Variants in RAPGEF6 observed in about 807,000 individuals in gnomAD.
The protein encoded by RAPGEF6 is Rap guanine nucleotide exchange factor 6.
RAPGEF6 carries 56 observed loss-of-function variants against 171.4 expected under a neutral mutation model. The observed-to-expected ratio is 0.33, with a 90% CI of 0.26 to 0.41. The LOEUF is 0.41. Among genes scored for constraint, RAPGEF6 ranks in the 10% least tolerant of loss-of-function variants. The pLI, the probability that RAPGEF6 is intolerant of heterozygous loss-of-function variation, is 1.00. For synonymous variants in RAPGEF6, 692 were observed against 650.1 expected (o/e 1.06, Z -0.98); for missense variants, 1,674 against 1,921.4 (o/e 0.87, Z 2.41).
chr5:131,570,328 T>C (rs1467693794), intron 4 of RAPGEF6, among the ~76,000 whole-genome samples: 1 of 152,116 alleles, frequency 6.6e-6, no homozygotes, highest in African/African-American at 2.4e-5. Context: ...GCAAATAATA[T>C]AAAAGACTGT....
chr5:131,529,483 AAAT>A (rs1759218104), intron 6 of RAPGEF6, among the ~76,000 whole-genome samples: 1 of 150,348 alleles, frequency 6.7e-6, no homozygotes. Context: ...CAAAAAAAAA[AAAT>A]AATAATCTCA....
At chr5:131,474,337 G>A (rs1432915700) in intron 16 of RAPGEF6, among the ~76,000 whole-genome samples, 4 of 152,038 alleles carry the variant, frequency 2.6e-5, no homozygotes, top group African/African-American at 4.8e-5. Flanking sequence ...CGGGTGGCTC[G>A]TGCCTGTAAT....
At chr5:131,475,366 A>G (rs1263789804) in intron 16 of RAPGEF6, among the ~76,000 whole-genome samples, 5 of 152,174 alleles carry the variant, frequency 3.3e-5, no homozygotes, top group African/African-American at 9.7e-5. Flanking sequence ...TACTTCCCCA[A>G]CACTAAATTT....
chr5:131,528,313 T>TATTA (rs1251388931), intron 6 of RAPGEF6, among the ~76,000 whole-genome samples: 1,306 of 48,790 alleles, frequency 0.027, 123 homozygotes, highest in African/African-American at 0.09. Flanking sequence ...TATATTTATA[T>TATTA]TATATATATA....
At chr5:131,500,430 C>T (rs1756947019) in intron 11 of RAPGEF6, among the ~76,000 whole-genome samples, 1 of 152,012 alleles carries the variant, frequency 6.6e-6, no homozygotes, top group South Asian at 2.1e-4. Flanking sequence ...GGGAACTGTT[C>T]AACATGTTAG....
chr5:131,523,547 A>G (rs919068532), intron 6 of RAPGEF6, among the ~76,000 whole-genome samples: 8 of 152,082 alleles, frequency 5.3e-5, no homozygotes, highest in African/African-American at 1.7e-4. Context: ...AGCTAAGAAG[A>G]GAATTTGAAA....
intron 22 of RAPGEF6, among the ~76,000 whole-genome samples, chr5:131,444,951 T>TAAC (rs2149815586): frequency 6.6e-6 from 1 of 152,368 alleles, no homozygotes; most frequent in African/African-American, 2.4e-5. Flanking sequence ...ATGTACCATT[T>TAAC]AACATGTGGC....
At chr5:131,477,607 C>A (rs1461073274) in intron 16 of RAPGEF6, among the ~76,000 whole-genome samples, 1 of 152,152 alleles carries the variant, frequency 6.6e-6, no homozygotes, top group African/African-American at 2.4e-5. Flanking sequence ...AATTCCCACA[C>A]CCTCACCAAA....
At chr5:131,500,616 C>T (rs1180617801) in intron 11 of RAPGEF6, among the ~76,000 whole-genome samples, 1 of 152,174 alleles carries the variant, frequency 6.6e-6, no homozygotes. Context: ...ATATATTATG[C>T]AATTTTATAT....
intron 4 of RAPGEF6, among the ~76,000 whole-genome samples, chr5:131,581,185 A>G (rs565384243): frequency 2.0e-5 from 3 of 152,282 alleles, no homozygotes; most frequent in Admixed American, 2.0e-4. Context: ...TGATTTACTC[A>G]CTGCTGAAAA....
intron 6 of RAPGEF6, among the ~76,000 whole-genome samples, chr5:131,530,438 T>A (rs10478985): frequency 0.017 from 2,575 of 152,112 alleles, 54 homozygotes; most frequent in African/African-American, 0.047. Context: ...ATTAATGAAT[T>A]CAGAAGTAGT....
intron 4 of RAPGEF6, among the ~76,000 whole-genome samples, chr5:131,582,832 C>T (rs953129084): frequency 1.3e-5 from 2 of 152,132 alleles, no homozygotes; most frequent in Non-Finnish European, 2.9e-5. Context: ...TTCTCATAGA[C>T]TGCCGGTGAG....
At chr5:131,544,217 G>A (rs1760352169) in intron 6 of RAPGEF6, among the ~76,000 whole-genome samples, 1 of 152,088 alleles carries the variant, frequency 6.6e-6, no homozygotes, top group Admixed American at 6.6e-5. Flanking sequence ...TAAGAGAAAT[G>A]GAAGTATAAG....
At chr5:131,604,738 G>A (rs768537417) in intron 1 of RAPGEF6, 45 bp from the exon 2 acceptor site, 35 of 1,554,346 alleles carry the variant, frequency 2.3e-5, no homozygotes, top group Non-Finnish European at 2.8e-5. Context: ...CAAATATGCT[G>A]TTTAAAATAT....
intron 6 of RAPGEF6, 78 bp downstream of exon 6, chr5:131,547,969 A>G: frequency 6.7e-7 from 1 of 1,486,832 alleles, no homozygotes; most frequent in Non-Finnish European, 9.2e-7. Context: ...TGTTGATATT[A>G]CCAAAGATAC....
At chr5:131,633,468 A>G (rs1183050061) in intron 1 of RAPGEF6, among the ~76,000 whole-genome samples, 1 of 152,194 alleles carries the variant, frequency 6.6e-6, no homozygotes, top group Non-Finnish European at 1.5e-5. Context: ...CTTGGCTCAC[A>G]CCTGTAATTC....
At chr5:131,570,311 C>G (rs1580594099) in intron 4 of RAPGEF6, among the ~76,000 whole-genome samples, 1 of 151,986 alleles carries the variant, frequency 6.6e-6, no homozygotes, top group East Asian at 1.9e-4. Context: ...AAATATACAC[C>G]AGAATGGCAA....
chr5:131,451,415 C>A (rs1166066922), intron 21 of RAPGEF6, among the ~76,000 whole-genome samples: 1 of 150,328 alleles, frequency 6.7e-6, no homozygotes, highest in African/African-American at 2.5e-5. Context: ...GAAACCCTAT[C>A]TCTACTGGAA....
At chr5:131,596,330 T>TTATAATATATATTATATAATCATTA in intron 3 of RAPGEF6, among the ~76,000 whole-genome samples, 1 of 148,580 alleles carries the variant, frequency 6.7e-6, no homozygotes, top group South Asian at 2.1e-4. Context: ...ATTACATTAT[T>TTATAATATATATTATATAATCATTA]TATAATATAT....
Sources: gnomAD v4.1 joint callset for allele counts (sites outside exome capture counted in the v4.1 genomes callset) on GRCh38, gnomAD v4.1.1 for gene constraint, MANE v1.5 for transcripts, NCBI Gene and HGNC (gene_info 2026-07-23, HGNC 2026-07-21) for gene names.